RFWD3: variants seen among roughly 807,000 people sequenced by gnomAD.
RFWD3 encodes ring finger and WD repeat domain 3.
RFWD3 carries 65 observed loss-of-function variants against 87.7 expected under a neutral mutation model. That is an observed-to-expected ratio of 0.74 (90% CI 0.61 to 0.91). The LOEUF (loss-of-function observed/expected upper bound fraction) is 0.91. Ranked by LOEUF, RFWD3 falls within the 40% of genes least tolerant of loss-of-function variation. The probability of loss-of-function intolerance (pLI) is 0.00; values close to 1 mark genes in which losing one functional copy is unlikely to be tolerated. For missense variants in RFWD3, 1,078 were observed against 938.5 expected, an observed-to-expected ratio of 1.15 and a Z score of -1.94; for synonymous variants, 433 against 352.8, an observed-to-expected ratio of 1.23 and a Z score of -2.55.
chr16:74,636,874 C>G (rs1959209427), intron 7 of RFWD3, among the ~76,000 whole-genome samples: 2 of 151,808 alleles, frequency 1.3e-5, no homozygotes, highest in African/African-American at 2.4e-5. Flanking sequence ...CCATGCCCGG[C>G]TAATTTTTAA....
intron 4 of RFWD3, among the ~76,000 whole-genome samples, chr16:74,646,761 G>A (rs1043947390): frequency 1.3e-5 from 2 of 151,916 alleles, no homozygotes; most frequent in African/African-American, 4.8e-5. Context: ...ATGATGGAAT[G>A]CCACGTAGCT....
chr16:74,633,910 C>T (rs1959171654), intron 8 of RFWD3, among the ~76,000 whole-genome samples: 1 of 151,316 alleles, frequency 6.6e-6, no homozygotes, highest in Non-Finnish European at 1.5e-5. Context: ...AGATCACACC[C>T]CTCCCTGCAT....
chr16:74,651,675 A>G (rs1442571044), intron 3 of RFWD3, among the ~76,000 whole-genome samples: 2 of 152,216 alleles, frequency 1.3e-5, no homozygotes, highest in African/African-American at 2.4e-5. Context: ...GAAGTGAAAG[A>G]GAATACAAAA....
chr16:74,621,703 G>GT lies in RFWD3; in HGVS notation c.*2224dup, dbSNP rs143335463. The GT allele has an allele frequency of 0.13, 19,600 of 149,572 alleles. 1,578 individuals carry two copies. The highest frequency in any genetic ancestry group is 0.24 in the Admixed American group (3,547 of 15,008). 9.3% of individuals were successfully genotyped at this position (149,572 alleles called of 1,614,324 possible). ...CATCAGGGTTTTTTTTTGTTTGTTT[G>GT]TTTTTTTTGAGATGGAGTCTTGCTC... On this transcript the variant is annotated 3_prime_UTR_variant, in exon 13 of 13. Transcript: ENST00000361070.
chr16:74,660,814 G>T, intron 2 of RFWD3, 118 bp downstream of exon 2: 2 of 1,088,632 alleles, frequency 1.8e-6, no homozygotes, highest in South Asian at 3.1e-5. Flanking sequence ...TGAGGAACTG[G>T]GGGTCAGAAG....
chr16:74,655,613 G>A (rs1960912257), intron 2 of RFWD3, among the ~76,000 whole-genome samples: 1 of 147,280 alleles, frequency 6.8e-6, no homozygotes, highest in African/African-American at 2.5e-5. Flanking sequence ...AATTTATTCT[G>A]TCTGTGCTCT....
rs1958792402 is a variant in RFWD3 at position 74,622,206 on chromosome 16, A to G, written c.*1722T>C. 1 of 152,152 alleles carries G rather than the reference A, an allele frequency of 6.6e-6. No homozygotes were observed. Among genetic ancestry groups the G allele is most frequent in the Non-Finnish European group, 1.5e-5 (1 of 68,044 alleles). 9.4% of individuals were successfully genotyped at this position (152,152 alleles called of 1,614,324 possible). ...CAGATGAGTTCTGCTTTTTAATTCC[A>G]ATCCTATTCTGCCACTGAAACTAGG... On this transcript the variant is annotated 3_prime_UTR_variant, in exon 13 of 13. Coordinates refer to ENST00000361070, the MANE Select transcript of RFWD3 (RefSeq NM_018124.4).
chr16:74,635,538 A>G (rs1257080620), intron 8 of RFWD3, among the ~76,000 whole-genome samples: 1 of 152,178 alleles, frequency 6.6e-6, no homozygotes, highest in East Asian at 1.9e-4. Flanking sequence ...AACAAGGACA[A>G]ATCAACACCA....
At chr16:74,665,751 TCTTTC>T (rs1961834805) in intron 1 of RFWD3, among the ~76,000 whole-genome samples, 2 of 137,478 alleles carry the variant, frequency 1.5e-5, no homozygotes, top group African/African-American at 5.1e-5. Flanking sequence ...TTTCTTTCTT[TCTTTC>T]TTTTTTTGAG....
intron 8 of RFWD3, among the ~76,000 whole-genome samples, chr16:74,633,757 C>G (rs1390954216): frequency 6.6e-6 from 1 of 152,006 alleles, no homozygotes; most frequent in Non-Finnish European, 1.5e-5. Context: ...CGAGACCAGC[C>G]TGGGCAATAT....
intron 1 of RFWD3, among the ~76,000 whole-genome samples, 163 bp from the exon 2 acceptor site, chr16:74,661,614 G>C (rs1186391714): frequency 6.6e-6 from 1 of 152,134 alleles, no homozygotes; most frequent in Non-Finnish European, 1.5e-5. Context: ...AGAAGTGTTT[G>C]GTAATGGACT....
At chr16:74,658,194 C>G (rs367583924) in intron 2 of RFWD3, among the ~76,000 whole-genome samples, 1 of 152,184 alleles carries the variant, frequency 6.6e-6, no homozygotes, top group Non-Finnish European at 1.5e-5. Flanking sequence ...GTCCTAGACT[C>G]CGTATGCTCC....
At chr16:74,655,579 C>T (rs1188569013) in intron 2 of RFWD3, among the ~76,000 whole-genome samples, 1 of 151,590 alleles carries the variant, frequency 6.6e-6, no homozygotes, top group Non-Finnish European at 1.5e-5. Context: ...TCTGAAAATC[C>T]TAGGGTGCTT....
At chr16:74,634,819 G>A (rs934681060) in intron 8 of RFWD3, among the ~76,000 whole-genome samples, 3 of 151,976 alleles carry the variant, frequency 2.0e-5, no homozygotes, top group Non-Finnish European at 2.9e-5. Flanking sequence ...AAAAAAAAGG[G>A]GGGAAGGGGG....
At chr16:74,631,071 T>A (rs7193959) in intron 9 of RFWD3, 114 bp from the exon 10 acceptor site, 546,959 of 820,252 alleles carry the variant, frequency 0.67, 185,434 homozygotes, top group African/African-American at 0.84. Context: ...ACACTCATAC[T>A]CCCAAACTAT....
At chr16:74,624,899 G>T (rs572862498) in intron 12 of RFWD3, among the ~76,000 whole-genome samples, 1 of 152,136 alleles carries the variant, frequency 6.6e-6, no homozygotes, top group African/African-American at 2.4e-5. Context: ...GGCTGAAGGA[G>T]GATTGCTTAA....
intron 8 of RFWD3, among the ~76,000 whole-genome samples, chr16:74,634,495 C>T (rs2144099217): frequency 6.6e-6 from 1 of 152,176 alleles, no homozygotes; most frequent in South Asian, 2.1e-4. Flanking sequence ...AGCGATCCTC[C>T]CAACTCAGCC....
At chr16:74,656,304 T>A (rs1960973734) in intron 2 of RFWD3, among the ~76,000 whole-genome samples, 1 of 72,936 alleles carries the variant, frequency 1.4e-5, no homozygotes, top group African/African-American at 5.5e-5. Context: ...AGACCTTGTC[T>A]TGCCAAAAAA....
chr16:74,639,095 G>A (rs535263423), intron 6 of RFWD3, among the ~76,000 whole-genome samples: 5 of 149,790 alleles, frequency 3.3e-5, no homozygotes, highest in African/African-American at 1.2e-4. Flanking sequence ...CTGCAGAGCA[G>A]TGGCGTGATC....
Sources: gnomAD v4.1 joint callset for allele counts (sites outside exome capture counted in the v4.1 genomes callset) on GRCh38, gnomAD v4.1.1 for gene constraint, MANE v1.5 for transcripts, NCBI Gene and HGNC (gene_info 2026-07-23, HGNC 2026-07-21) for gene names.